CHCHD6: variants seen among roughly 807,000 people sequenced by gnomAD.
CHCHD6 encodes coiled-coil-helix-coiled-coil-helix domain containing 6.
Under a neutral mutation model 32.3 loss-of-function variants are expected in CHCHD6, and 28 were observed. The observed-to-expected ratio is 0.87, with a 90% CI of 0.64 to 1.19. CHCHD6 has a LOEUF of 1.19. CHCHD6 is among the 50% of genes most tolerant of loss of function. The pLI is 0.00. For synonymous variants in CHCHD6, 122 were observed against 117.5 expected (o/e 1.04, Z -0.25); for missense variants, 333 against 307.0 (o/e 1.08, Z -0.63).
intron 4 of CHCHD6, among the ~76,000 whole-genome samples, chr3:126,757,417 G>C (rs1247520434): frequency 6.6e-6 from 1 of 152,108 alleles, no homozygotes; most frequent in Non-Finnish European, 1.5e-5. Flanking sequence ...GGGCAGGGGG[G>C]CTCAAAAGGA....
intron 4 of CHCHD6, among the ~76,000 whole-genome samples, chr3:126,842,151 G>A (rs1576481700): frequency 6.6e-6 from 1 of 152,192 alleles, no homozygotes; most frequent in Admixed American, 6.5e-5. Flanking sequence ...CTACTCCGGA[G>A]GCTGAGGTGG....
intron 5 of CHCHD6, among the ~76,000 whole-genome samples, chr3:126,912,782 C>G (rs115884046): frequency 0.014 from 2,158 of 152,330 alleles, 57 homozygotes; most frequent in African/African-American, 0.048. Flanking sequence ...CAGCACTTCT[C>G]TGAGGCCACG....
chr3:126,766,768 G>GC, intron 4 of CHCHD6: 3 of 1,140,866 alleles, frequency 2.6e-6, no homozygotes, highest in South Asian at 1.2e-5. Flanking sequence ...GGTGTTGGTG[G>GC]CCCCCTGGAA....
intron 6 of CHCHD6, among the ~76,000 whole-genome samples, chr3:126,949,008 A>AG (rs1212955829): frequency 2.0e-5 from 3 of 152,240 alleles, no homozygotes; most frequent in African/African-American, 7.2e-5. Context: ...TGAGAAATAA[A>AG]GGGGCATCTC....
intron 5 of CHCHD6, among the ~76,000 whole-genome samples, chr3:126,862,620 C>T (rs542047792): frequency 7.5e-6 from 1 of 133,880 alleles, no homozygotes. Flanking sequence ...CCTCCCCCTC[C>T]TCCACCATCA....
rs184778860 is a variant in CHCHD6 at position 126,713,911 on chromosome 3, A to G, written c.87+9512A>G. On this transcript the variant is annotated intron_variant, in intron 1 of 7. Coordinates refer to ENST00000290913, the MANE Select transcript of CHCHD6 (RefSeq NM_032343.3). ...TCTAATATGGTGAAACCCTGTCTCT[A>G]CTAAAAATACAAAAAGTTAGCCGGG... is the stretch of plus-strand genomic sequence containing the variant. 3.6e-4 allele frequency among the ~76,000 whole-genome samples: 54 copies of G among 152,096 alleles called. No homozygotes were observed. In the East Asian group the frequency reaches 9.7e-3, roughly 27 times the overall value.
intron 6 of CHCHD6, among the ~76,000 whole-genome samples, chr3:126,942,284 T>C (rs112202659): frequency 0.031 from 4,743 of 152,288 alleles, 166 homozygotes; most frequent in East Asian, 0.16. Flanking sequence ...TTTCCCTTTG[T>C]GTTTGCTTAG....
At chr3:126,958,400 A>G (rs1002149490) in intron 7 of CHCHD6, among the ~76,000 whole-genome samples, 4 of 152,210 alleles carry the variant, frequency 2.6e-5, no homozygotes, top group African/African-American at 9.7e-5. Flanking sequence ...CTCCTTTCCC[A>G]CGTAAAAGCC....
At chr3:126,931,710 G>C (rs1007633744) in intron 6 of CHCHD6, among the ~76,000 whole-genome samples, 9 of 152,268 alleles carry the variant, frequency 5.9e-5, no homozygotes, top group African/African-American at 2.2e-4. Flanking sequence ...ACCTTTCTAA[G>C]CTCCCCTTCT....
At chr3:126,895,095 TTAA>T (rs1426237483) in intron 5 of CHCHD6, among the ~76,000 whole-genome samples, 1 of 152,248 alleles carries the variant, frequency 6.6e-6, no homozygotes, top group Non-Finnish European at 1.5e-5. Flanking sequence ...TTTTTTCACC[TTAA>T]TAAGATATCT....
At chr3:126,839,890 A>G (rs576432342) in intron 4 of CHCHD6, among the ~76,000 whole-genome samples, 1 of 152,242 alleles carries the variant, frequency 6.6e-6, no homozygotes, top group Non-Finnish European at 1.5e-5. Context: ...AGCCATTGCC[A>G]CAATTTAAGT....
At chr3:126,904,440 A>T (rs909849994) in intron 5 of CHCHD6, among the ~76,000 whole-genome samples, 1 of 152,230 alleles carries the variant, frequency 6.6e-6, no homozygotes, top group Non-Finnish European at 1.5e-5. Context: ...CCAAAGACTG[A>T]TGGCTGATGT....
chr3:126,935,419 T>G (rs988894957), intron 6 of CHCHD6, among the ~76,000 whole-genome samples: 3 of 152,196 alleles, frequency 2.0e-5, no homozygotes, highest in African/African-American at 7.2e-5. Flanking sequence ...GGCCCAGGCT[T>G]ACATGATAAC....
chr3:126,814,851 G>A (rs1159336637), intron 4 of CHCHD6, among the ~76,000 whole-genome samples: 3 of 152,206 alleles, frequency 2.0e-5, no homozygotes, highest in Admixed American at 6.5e-5. Flanking sequence ...TTGGACTTGC[G>A]ACTGGTGTCT....
intron 5 of CHCHD6, among the ~76,000 whole-genome samples, chr3:126,908,922 C>T (rs972354924): frequency 2.6e-5 from 4 of 152,238 alleles, no homozygotes; most frequent in African/African-American, 9.6e-5. Context: ...TGGTTACACA[C>T]CCGGAAGAGG....
chr3:126,923,267 T>A (rs1035965864), intron 6 of CHCHD6, among the ~76,000 whole-genome samples: 6 of 152,232 alleles, frequency 3.9e-5, no homozygotes, highest in Non-Finnish European at 8.8e-5. Flanking sequence ...TCTTTTTATG[T>A]CCTACTTTCT....
chr3:126,772,652 T>G (rs1937564647), intron 4 of CHCHD6, among the ~76,000 whole-genome samples: 1 of 152,228 alleles, frequency 6.6e-6, no homozygotes, highest in Non-Finnish European at 1.5e-5. Flanking sequence ...ATGGGTCTCT[T>G]GAAGACAGCA....
intron 6 of CHCHD6, among the ~76,000 whole-genome samples, chr3:126,934,314 C>T (rs774501518): frequency 6.6e-6 from 1 of 152,024 alleles, no homozygotes; most frequent in Non-Finnish European, 1.5e-5. Flanking sequence ...TCAGGAATGC[C>T]CGGGAGTTTT....
chr3:126,734,343 T>A lies in CHCHD6; in HGVS notation c.411+1121T>A, dbSNP rs550199695. ...TAACATCTGCTGGAGGCCATGAGGT[T>A]TGAGACCAGGAACAGCCTTGCACTA... On this transcript the variant is annotated intron_variant, in intron 4 of 7. Coordinates refer to ENST00000290913, the MANE Select transcript of CHCHD6 (RefSeq NM_032343.3). Among the ~76,000 whole-genome samples the A allele has an allele frequency of 5.3e-5, 8 of 152,340 alleles. No individual in the cohort carries two copies. In the East Asian group the frequency reaches 1.3e-3, roughly 26 times the overall value.
Sources: gnomAD v4.1 joint callset for allele counts (sites outside exome capture counted in the v4.1 genomes callset) on GRCh38, gnomAD v4.1.1 for gene constraint, MANE v1.5 for transcripts, NCBI Gene and HGNC (gene_info 2026-07-23, HGNC 2026-07-21) for gene names.